The following NKAIN3 variants were observed in gnomAD, a reference collection of about 807,000 sequenced individuals.
NKAIN3 encodes the protein sodium/potassium transporting ATPase interacting 3.
NKAIN3 carries 25 observed loss-of-function variants against 30.2 expected under a neutral mutation model. That is an observed-to-expected ratio of 0.83 (90% CI 0.60 to 1.16). NKAIN3 has a LOEUF of 1.16. NKAIN3 is among the 50% of genes most tolerant of loss of function. The pLI, the probability that NKAIN3 is intolerant of heterozygous loss-of-function variation, is 0.00. For missense variants in NKAIN3, 225 were observed against 254.1 expected (o/e 0.89, Z 0.78); for synonymous variants, 91 against 89.6 (o/e 1.02, Z -0.09).
chr8:62,846,388 T>C (rs988443266), intron 4 of NKAIN3, among the ~76,000 whole-genome samples: 2 of 152,150 alleles, frequency 1.3e-5, no homozygotes, highest in Non-Finnish European at 2.9e-5. Context: ...TAGGTAAACA[T>C]GTGCCATGAT....
chr8:62,731,723 G>C (rs886376361), intron 3 of NKAIN3, among the ~76,000 whole-genome samples: 2 of 152,112 alleles, frequency 1.3e-5, no homozygotes, highest in Non-Finnish European at 2.9e-5. Flanking sequence ...GGGAGGAGGA[G>C]ACCACTGAGT....
intron 3 of NKAIN3, among the ~76,000 whole-genome samples, chr8:62,660,597 A>G (rs1812915697): frequency 6.6e-6 from 1 of 152,214 alleles, no homozygotes; most frequent in African/African-American, 2.4e-5. Context: ...GATTAAAGGT[A>G]GGACAGACAG....
At chr8:62,311,117 A>G (rs1402200597) in intron 1 of NKAIN3, among the ~76,000 whole-genome samples, 2 of 150,586 alleles carry the variant, frequency 1.3e-5, no homozygotes, top group Non-Finnish European at 2.9e-5. Context: ...GATTTTTAAA[A>G]ACAAACAAAG....
chr8:62,748,973 G>GA (rs559831878), intron 4 of NKAIN3, among the ~76,000 whole-genome samples: 1 of 151,784 alleles, frequency 6.6e-6, no homozygotes, highest in South Asian at 2.1e-4. Context: ...TTTTTGTCTT[G>GA]AAAAAATGTG....
rs1427887669 is a variant in NKAIN3, at chr8:62,961,940, TGAA to T, written c.604-3410_604-3408del. 7.2e-5 allele frequency among the ~76,000 whole-genome samples: 11 copies of T among 152,322 alleles called. No individual in the cohort carries two copies. In the South Asian group the frequency reaches 1.9e-3, roughly 26 times the overall value. The stretch of plus-strand genomic sequence containing the variant: ...CTGATGTTTGTACAGCTTTAGGAAA[TGAA>T]GAATTCTCAAATACTGGGGCAAGTT... On this transcript the variant is annotated intron_variant, in intron 6 of 6. Transcript: ENST00000623646.
intron 3 of NKAIN3, among the ~76,000 whole-genome samples, chr8:62,672,343 C>T (rs1202722619): frequency 6.6e-6 from 1 of 152,102 alleles, no homozygotes; most frequent in Middle Eastern, 3.2e-3. Flanking sequence ...CTCATGAGTG[C>T]CCTAGAAGTA....
intron 2 of NKAIN3, among the ~76,000 whole-genome samples, chr8:62,579,924 T>A (rs1334090362): frequency 6.6e-6 from 1 of 152,098 alleles, no homozygotes; most frequent in Non-Finnish European, 1.5e-5. Flanking sequence ...CGTAACTGAA[T>A]TCAAGTTTTA....
At chr8:62,356,681 C>A (rs1816367818) in intron 1 of NKAIN3, among the ~76,000 whole-genome samples, 1 of 152,140 alleles carries the variant, frequency 6.6e-6, no homozygotes, top group Admixed American at 6.5e-5. Flanking sequence ...TTTCACACAG[C>A]CTTCAGAGTA....
chr8:62,411,292 G>T (rs1242096209), intron 1 of NKAIN3, among the ~76,000 whole-genome samples: 3 of 152,022 alleles, frequency 2.0e-5, no homozygotes, highest in Non-Finnish European at 4.4e-5. Context: ...AGAATTAAAA[G>T]CAAAAACATG....
chr8:62,975,750 A>G lies in NKAIN3; in HGVS notation c.*10343A>G, dbSNP rs1483714742. Among the ~76,000 whole-genome samples the G allele has an allele frequency of 6.6e-6, 1 of 152,070 alleles. No homozygotes were observed. The highest frequency in any genetic ancestry group is 1.5e-5 in the Non-Finnish European group (1 of 67,996). ...CTTTAATTCTTTTAATTGTGATGTT[A>G]GCGTGTTGATTGTAGATGTTTAGAT... On this transcript the variant is annotated 3_prime_UTR_variant, in exon 7 of 7. Coordinates refer to ENST00000623646, the MANE Select transcript of NKAIN3 (RefSeq NM_001304533.3).
intron 4 of NKAIN3, among the ~76,000 whole-genome samples, chr8:62,832,668 T>C (rs1056753442): frequency 2.0e-5 from 3 of 148,590 alleles, no homozygotes; most frequent in Non-Finnish European, 4.4e-5. Flanking sequence ...ATGCACCCAA[T>C]ATTGGAGCAC....
chr8:62,450,965 G>T (rs1164987078), intron 1 of NKAIN3, among the ~76,000 whole-genome samples: 1 of 152,174 alleles, frequency 6.6e-6, no homozygotes, highest in Admixed American at 6.5e-5. Context: ...GAAAGGTAGA[G>T]TGATTTTTCC....
At chr8:62,589,369 T>G (rs1000983114) in intron 2 of NKAIN3, among the ~76,000 whole-genome samples, 1 of 151,696 alleles carries the variant, frequency 6.6e-6, no homozygotes, top group Admixed American at 6.6e-5. Flanking sequence ...TTAAAGATGA[T>G]AGAGAGCTCA....
intron 1 of NKAIN3, among the ~76,000 whole-genome samples, chr8:62,449,870 T>C (rs1294381537): frequency 6.6e-6 from 1 of 152,130 alleles, no homozygotes; most frequent in Non-Finnish European, 1.5e-5. Flanking sequence ...TTACGATCAG[T>C]CAACCATGGT....
Position 62,414,626 on chromosome 8 carries a change from A to G in NKAIN3, c.55-164913A>G, listed in dbSNP as rs1006694255. 3.9e-5 allele frequency among the ~76,000 whole-genome samples: 6 copies of G among 152,178 alleles called. No individual in the cohort carries two copies. The East Asian group carries it at 1.2e-3, about 29-fold the overall frequency. On this transcript the variant is annotated intron_variant, in intron 1 of 6. Coordinates refer to ENST00000623646, the MANE Select transcript of NKAIN3 (RefSeq NM_001304533.3). ...ATAAAGTACAATAAATATGTCTTCA[A>G]CTGGTCTTACAAAGCTTTTATCTGA... is the stretch of plus-strand genomic sequence containing the variant.
intron 4 of NKAIN3, among the ~76,000 whole-genome samples, chr8:62,870,650 T>TATATATAGATATATATAG (rs1488907878): frequency 5.7e-5 from 8 of 140,656 alleles, no homozygotes; most frequent in South Asian, 2.2e-4. Context: ...TATATATATC[T>TATATATAGATATATATAG]ATATCTAGAT....
chr8:62,661,269 T>C lies in NKAIN3; in HGVS notation c.273+71475T>C, dbSNP rs548631934. 5.9e-5 allele frequency among the ~76,000 whole-genome samples: 9 copies of C among 152,250 alleles called. No individual in the cohort carries two copies. In the South Asian group the frequency reaches 1.7e-3, roughly 28 times the overall value. On this transcript the variant is annotated intron_variant, in intron 3 of 6. Transcript: ENST00000623646. ...GAGAGAAGGTCTCCTTGGGCCATCA[T>C]GATCATGAGGTTGGTAATGCACTTT...
chr8:62,898,624 C>T (rs1409686930), intron 4 of NKAIN3, among the ~76,000 whole-genome samples: 5 of 152,034 alleles, frequency 3.3e-5, no homozygotes, highest in African/African-American at 9.7e-5. Context: ...AACTATGAAA[C>T]TACTACAAGA....
intron 3 of NKAIN3, among the ~76,000 whole-genome samples, chr8:62,658,411 C>T (rs570086605): frequency 3.9e-5 from 6 of 152,228 alleles, no homozygotes; most frequent in Middle Eastern, 3.4e-3. Context: ...CTTTATCAGG[C>T]AGAAATTAGT....
Sources: allele counts gnomAD v4.1 joint callset (sites outside exome capture counted in the v4.1 genomes callset), GRCh38; gene constraint gnomAD v4.1.1; transcripts MANE v1.5; gene names NCBI Gene and HGNC (gene_info 2026-07-23, HGNC 2026-07-21).